ATP8B4: variants seen among roughly 807,000 people sequenced by gnomAD.
ATP8B4 encodes ATPase phospholipid transporting 8B4 (putative).
ATP8B4 carries 133 observed loss-of-function variants against 145.6 expected under a neutral mutation model. That is an observed-to-expected ratio of 0.91 (90% CI 0.79 to 1.05). The LOEUF is 1.05. Among genes scored for constraint, ATP8B4 ranks in the 50% least tolerant of loss-of-function variants. The pLI is 0.00. For missense variants in ATP8B4, 1,458 were observed against 1,425.2 expected (o/e 1.02, Z -0.37); for synonymous variants, 507 against 492.9 (o/e 1.03, Z -0.38).
At chr15:50,009,482 A>G (rs1468645706) in intron 7 of ATP8B4, 1 of 323,266 alleles carries the variant, frequency 3.1e-6, no homozygotes, top group Admixed American at 4.5e-5. Flanking sequence ...GTGGTCTAGC[A>G]TCTTATTTGA....
At chr15:50,164,653 CCAGGA>C (rs1465834417) in intron 1 of ATP8B4, among the ~76,000 whole-genome samples, 2 of 152,178 alleles carry the variant, frequency 1.3e-5, no homozygotes, top group East Asian at 3.8e-4. Flanking sequence ...GGCTCTAAGC[CCAGGA>C]CAGTACCAGG....
intron 5 of ATP8B4, among the ~76,000 whole-genome samples, chr15:50,043,423 T>C (rs2051459417): frequency 6.6e-6 from 1 of 152,112 alleles, no homozygotes; most frequent in Non-Finnish European, 1.5e-5. Flanking sequence ...TTTTTTTCTC[T>C]AAAGGCTATA....
intron 24 of ATP8B4, 164 bp from the exon 25 acceptor site, chr15:49,876,687 C>T (rs1405064847): frequency 1.0e-6 from 1 of 985,574 alleles, no homozygotes; most frequent in Non-Finnish European, 1.6e-6. Flanking sequence ...CCACAATAAA[C>T]CAGAAGATAA....
chr15:50,141,811 C>G lies in ATP8B4; in HGVS notation c.-42-34803G>C, dbSNP rs536980663. On this transcript the variant is annotated intron_variant, in intron 1 of 3. Transcript: ENST00000558829. ...TGAAATAAAATTAAGAATTCCTTTC[C>G]TCAACCACACTAGCTGGGTTTCCAG... Among the ~76,000 whole-genome samples, 28 of 152,214 alleles carry G rather than the reference C, an allele frequency of 1.8e-4. No homozygotes were observed. The East Asian group carries it at 4.2e-3, about 23-fold the overall frequency.
intron 2 of ATP8B4, among the ~76,000 whole-genome samples, chr15:50,105,156 C>T (rs1265520857): frequency 6.6e-6 from 1 of 150,710 alleles, no homozygotes; most frequent in Non-Finnish European, 1.5e-5. Context: ...ACAGTGTATA[C>T]TGCTCAGGTG....
chr15:50,035,087 C>T (rs1042051707), intron 6 of ATP8B4, among the ~76,000 whole-genome samples: 4 of 152,004 alleles, frequency 2.6e-5, no homozygotes, highest in Admixed American at 2.6e-4. Context: ...TAAGCACTTT[C>T]ACATATTACA....
chr15:50,160,720 G>A (rs1306439133), intron 1 of ATP8B4, among the ~76,000 whole-genome samples: 1 of 151,384 alleles, frequency 6.6e-6, no homozygotes, highest in African/African-American at 2.4e-5. Flanking sequence ...TTTTTATTCT[G>A]TTGTGGTCAG....
At chr15:49,906,390 A>G (rs2038629193) in intron 20 of ATP8B4, among the ~76,000 whole-genome samples, 1 of 152,206 alleles carries the variant, frequency 6.6e-6, no homozygotes, top group African/African-American at 2.4e-5. Flanking sequence ...AGTAGTTCAC[A>G]TTTCTCCATA....
At chr15:50,098,225 T>G (rs934591785) in intron 2 of ATP8B4, among the ~76,000 whole-genome samples, 1 of 149,334 alleles carries the variant, frequency 6.7e-6, no homozygotes, top group Non-Finnish European at 1.5e-5. Context: ...GGTTGTGTCA[T>G]GAAAATACAT....
At chr15:50,153,762 C>G (rs989535979) in intron 1 of ATP8B4, among the ~76,000 whole-genome samples, 1 of 152,114 alleles carries the variant, frequency 6.6e-6, no homozygotes, top group African/African-American at 2.4e-5. Flanking sequence ...GAGAAAAACC[C>G]TTAAAGAAAT....
intron 1 of ATP8B4, among the ~76,000 whole-genome samples, chr15:50,161,755 T>C (rs565948173): frequency 6.6e-6 from 1 of 152,284 alleles, no homozygotes; most frequent in Non-Finnish European, 1.5e-5. Flanking sequence ...TTTGATAGGT[T>C]CATCTTTCAG....
At chr15:50,107,184 A>G (rs1380469464) in intron 1 of ATP8B4, among the ~76,000 whole-genome samples, 176 bp from the exon 2 acceptor site, 1 of 152,224 alleles carries the variant, frequency 6.6e-6, no homozygotes, top group East Asian at 1.9e-4. Flanking sequence ...AATTCTGTAC[A>G]AAAATAATCT....
intron 3 of ATP8B4, among the ~76,000 whole-genome samples, chr15:50,048,914 T>C (rs1015387361): frequency 3.3e-5 from 5 of 152,032 alleles, no homozygotes; most frequent in Non-Finnish European, 7.4e-5. Context: ...AGCCCACACA[T>C]GCACATTAAC....
rs979164825 is a variant in ATP8B4, at chr15:49,934,052, A to G, written c.1418T>C (p.Leu473Pro). The G allele has an allele frequency of 3.1e-6, 5 of 1,612,408 alleles. No homozygotes were observed. The highest frequency in any genetic ancestry group is 4.2e-6 in the Non-Finnish European group (5 of 1,179,060). ...KVHEFLRLLA[L>P]CHTVMSEENS... ...CTCTTCTGACATTACAGTGTGGCAG[A>G]GAGCAAGTAACCTAAGGAATTCATG... is the stretch of plus-strand genomic sequence containing the variant. Residue 473 changes from leucine (L) to proline (P), a missense_variant, in exon 15 of 28, where the codon CTC (leucine) becomes CCC (proline). By Grantham distance (98) the Leu-to-Pro change is moderately conservative. Coordinates refer to ENST00000284509, the MANE Select transcript of ATP8B4 (RefSeq NM_024837.4).
At chr15:49,879,205 G>C (rs1244193626) in intron 24 of ATP8B4, among the ~76,000 whole-genome samples, 171 bp downstream of exon 24, 1 of 152,160 alleles carries the variant, frequency 6.6e-6, no homozygotes, top group African/African-American at 2.4e-5. Context: ...CTAGGGTATA[G>C]GGGTAAGGGA....
chr15:50,039,265 C>A (rs1319458648), intron 5 of ATP8B4, among the ~76,000 whole-genome samples: 1 of 152,194 alleles, frequency 6.6e-6, no homozygotes, highest in East Asian at 1.9e-4. Context: ...CAAGAAGTTA[C>A]TTGTAACAAC....
intron 3 of ATP8B4, among the ~76,000 whole-genome samples, chr15:50,071,236 A>G (rs1485681253): frequency 6.6e-6 from 1 of 152,238 alleles, no homozygotes; most frequent in Non-Finnish European, 1.5e-5. Flanking sequence ...TATGACTTTT[A>G]AAAGAAAGAA....
Position 49,981,267 on chromosome 15 carries a change from C to T in ATP8B4, c.776G>A (p.Ser259Asn). The change falls in exon 11 of 28, where the codon AGT (serine) becomes AAT (asparagine). Residue 259 changes from serine to asparagine, a missense_variant. Physicochemically the swap from Ser to Asn is conservative, Grantham distance 46 (BLOSUM62 1). Transcript: ENST00000284509. ...AGPDTKLMQN[S>N]GKTKFKRTSI... ...TGTCCTTTTAAACTTTGTCTTACCA[C>T]TATTCTGCATTAGTTTAGTGTCAGG... 1 of 1,609,522 alleles carries T rather than the reference C, an allele frequency of 6.2e-7. No homozygotes were observed. Among genetic ancestry groups the T allele is most frequent in the Non-Finnish European group, 8.5e-7 (1 of 1,178,540 alleles).
chr15:50,173,956 G>T (rs944554163), intron 1 of ATP8B4, among the ~76,000 whole-genome samples: 20 of 152,112 alleles, frequency 1.3e-4, no homozygotes, highest in Non-Finnish European at 2.6e-4. Flanking sequence ...TGATCAAGTG[G>T]GTTTCATACC....
Sources: allele counts gnomAD v4.1 joint callset (sites outside exome capture counted in the v4.1 genomes callset), GRCh38; gene constraint gnomAD v4.1.1; transcripts MANE v1.5; gene names NCBI Gene and HGNC (gene_info 2026-07-23, HGNC 2026-07-21).